The following ZNF423 variants were observed in gnomAD, a reference collection of about 807,000 sequenced individuals.
ZNF423 encodes Ebf-associated zinc finger protein.
In ZNF423, 12 loss-of-function variants were observed where a neutral mutation model predicts 95.8. That is an observed-to-expected ratio of 0.13 (90% CI 0.08 to 0.20). ZNF423 has a LOEUF of 0.20. Among genes scored for constraint, ZNF423 ranks in the 10% least tolerant of loss-of-function variants. The pLI, the probability that ZNF423 is intolerant of heterozygous loss-of-function variation, is 1.00. For synonymous variants in ZNF423, 749 were observed against 711.9 expected (o/e 1.05, Z -0.83); for missense variants, 1,316 against 1,737.1 (o/e 0.76, Z 4.31).
intron 7 of ZNF423, among the ~76,000 whole-genome samples, chr16:49,497,823 T>C (rs1967224754): frequency 6.6e-6 from 1 of 152,198 alleles, no homozygotes; most frequent in Admixed American, 6.5e-5. Context: ...ATGTTCGTGC[T>C]CAGCAGGGGT....
chr16:49,500,800 C>T (rs958115659), intron 7 of ZNF423, among the ~76,000 whole-genome samples: 1 of 151,276 alleles, frequency 6.6e-6, no homozygotes, highest in African/African-American at 2.4e-5. Flanking sequence ...CCCAGCTACT[C>T]GGATGGCTGA....
chr16:49,782,427 C>A (rs996655791), intron 2 of ZNF423, among the ~76,000 whole-genome samples: 34 of 152,332 alleles, frequency 2.2e-4, no homozygotes, highest in Non-Finnish European at 1.0e-4. Flanking sequence ...ATGGGAGTGA[C>A]GGTTCCTATT....
chr16:49,660,132 A>T (rs1040784587), intron 3 of ZNF423, among the ~76,000 whole-genome samples: 3 of 152,192 alleles, frequency 2.0e-5, no homozygotes, highest in Non-Finnish European at 4.4e-5. Context: ...GACAATTCTG[A>T]TAAGCCCTGG....
intron 5 of ZNF423, among the ~76,000 whole-genome samples, chr16:49,616,150 C>G (rs560010111): frequency 6.6e-6 from 1 of 152,122 alleles, no homozygotes; most frequent in Non-Finnish European, 1.5e-5. Flanking sequence ...GCCTGGCACA[C>G]AGTAGGTATT....
intron 5 of ZNF423, among the ~76,000 whole-genome samples, chr16:49,569,823 C>T (rs1433710415): frequency 6.6e-6 from 1 of 152,186 alleles, no homozygotes; most frequent in Non-Finnish European, 1.5e-5. Flanking sequence ...GTGTCAGGCA[C>T]TGTAAGTGCT....
intron 3 of ZNF423, among the ~76,000 whole-genome samples, chr16:49,665,811 G>A (rs1054292938): frequency 1.3e-5 from 2 of 152,138 alleles, no homozygotes; most frequent in African/African-American, 4.8e-5. Context: ...TTTTTAAGGG[G>A]GGATGGGAAG....
chr16:49,682,213 C>T (rs77753001), intron 3 of ZNF423, among the ~76,000 whole-genome samples: 7,330 of 152,196 alleles, frequency 0.048, 196 homozygotes, highest in East Asian at 0.071. Flanking sequence ...TTCAGCCTTC[C>T]TCCTGCCCCT....
chr16:49,846,299 CAAAA>C (rs11338195), intron 1 of ZNF423, among the ~76,000 whole-genome samples: 5 of 76,364 alleles, frequency 6.5e-5, no homozygotes, highest in Admixed American at 3.0e-4. Context: ...GACTCTGTCT[CAAAA>C]AAAAAAAAAA....
intron 3 of ZNF423, among the ~76,000 whole-genome samples, chr16:49,707,610 G>A (rs1365746783): frequency 2.3e-5 from 3 of 132,374 alleles, no homozygotes; most frequent in African/African-American, 8.4e-5. Context: ...GAGTGAGACT[G>A]TCTCAAAAAA....
chr16:49,742,506 C>A (rs1161411408), intron 2 of ZNF423, among the ~76,000 whole-genome samples: 3 of 152,186 alleles, frequency 2.0e-5, no homozygotes, highest in East Asian at 3.9e-4. Context: ...AACAGTCAGA[C>A]AAAGCCACCC....
chr16:49,711,914 GC>G (rs113892369), intron 3 of ZNF423: 22,870 of 152,062 alleles, frequency 0.15, 2,494 homozygotes, highest in South Asian at 0.28. Flanking sequence ...TTCAAGAGCA[GC>G]CCTGGGCAAC....
chr16:49,749,972 C>CGTG (rs2033602632), intron 2 of ZNF423, among the ~76,000 whole-genome samples: 2 of 152,216 alleles, frequency 1.3e-5, no homozygotes, highest in Non-Finnish European at 2.9e-5. Context: ...TCCCCACATC[C>CGTG]CAGTCCATCC....
intron 1 of ZNF423, among the ~76,000 whole-genome samples, chr16:49,803,838 G>A (rs1374550705): frequency 2.6e-5 from 4 of 151,980 alleles, no homozygotes; most frequent in Non-Finnish European, 5.9e-5. Flanking sequence ...TAGGGAAGGG[G>A]AAAGGCAGAG....
Position 49,488,755 on chromosome 16 carries a change from G to A in ZNF423, c.*2520C>T, listed in dbSNP as rs1966878707. On this transcript the variant is annotated 3_prime_UTR_variant, in exon 8 of 8. Coordinates refer to ENST00000563137, the MANE Select transcript of ZNF423 (RefSeq NM_001379286.1). ...GGTTAGTGAGTTCTCCGAGGCACAG[G>A]TTTATAACCCTACACTGCTCCCCAA... 6.6e-6 allele frequency: 1 copy of A among 152,148 alleles called. No individual in the cohort carries two copies. Among genetic ancestry groups the A allele is most frequent in the African/African-American group, 2.4e-5 (1 of 41,408 alleles). 9.4% of individuals were successfully genotyped at this position (152,148 alleles called of 1,614,324 possible).
intron 5 of ZNF423, among the ~76,000 whole-genome samples, chr16:49,594,115 G>A (rs529371072): frequency 1.3e-5 from 2 of 152,156 alleles, no homozygotes; most frequent in Non-Finnish European, 2.9e-5. Flanking sequence ...CTTTCAGCTG[G>A]GGGGTAAACA....
At chr16:49,716,027 C>T (rs377286928) in intron 3 of ZNF423, among the ~76,000 whole-genome samples, 277 of 152,138 alleles carry the variant, frequency 1.8e-3, no homozygotes, top group African/African-American at 6.5e-3. Flanking sequence ...GGAGAAGCCG[C>T]AAGAGGCACA....
At chr16:49,843,913 T>C (rs1191214160) in intron 1 of ZNF423, among the ~76,000 whole-genome samples, 1 of 151,836 alleles carries the variant, frequency 6.6e-6, no homozygotes, top group Admixed American at 6.6e-5. Context: ...GCTGGTCAAA[T>C]GTGTTTATTC....
At chr16:49,583,786 C>T (rs973315878) in intron 5 of ZNF423, among the ~76,000 whole-genome samples, 1 of 152,166 alleles carries the variant, frequency 6.6e-6, no homozygotes, top group African/African-American at 2.4e-5. Flanking sequence ...GGCTAGTGGT[C>T]CTATAACCAA....
chr16:49,825,528 G>GTGCA (rs2034996239), intron 1 of ZNF423, among the ~76,000 whole-genome samples: 1 of 151,938 alleles, frequency 6.6e-6, no homozygotes, highest in African/African-American at 2.4e-5. Context: ...CAGGACTGAG[G>GTGCA]TGCAGGTCAG....
Sources: allele counts gnomAD v4.1 joint callset (sites outside exome capture counted in the v4.1 genomes callset), GRCh38; gene constraint gnomAD v4.1.1; transcripts MANE v1.5; gene names NCBI Gene and HGNC (gene_info 2026-07-23, HGNC 2026-07-21).